PPP6C: variants seen among roughly 807,000 people sequenced by gnomAD.
PPP6C encodes protein phosphatase 6 catalytic subunit.
PPP6C carries 11 observed loss-of-function variants against 39.8 expected under a neutral mutation model. That is an observed-to-expected ratio of 0.28 (90% CI 0.17 to 0.46). PPP6C has a LOEUF of 0.46. PPP6C is among the 20% of genes least tolerant of loss of function. The pLI is 1.00. For synonymous variants in PPP6C, 129 were observed against 130.3 expected, an observed-to-expected ratio of 0.99 and a Z score of 0.07; for missense variants, 211 against 373.9, an observed-to-expected ratio of 0.56 and a Z score of 3.59.
chr9:125,151,184 T>C (rs750216250), intron 6 of PPP6C: 66 of 1,492,166 alleles, frequency 4.4e-5, no homozygotes, highest in Non-Finnish European at 5.9e-5. Context: ...GTGACCTCCA[T>C]TGCAGACAGG....
chr9:125,179,359 A>C (rs1235215684), intron 1 of PPP6C, among the ~76,000 whole-genome samples: 3 of 152,198 alleles, frequency 2.0e-5, no homozygotes, highest in Non-Finnish European at 4.4e-5. Flanking sequence ...AATTTTAATG[A>C]AGTCTGGCTT....
At chr9:125,154,118 A>C in intron 4 of PPP6C, 133 bp from the exon 5 acceptor site, 1 of 682,784 alleles carries the variant, frequency 1.5e-6, no homozygotes, top group Non-Finnish European at 2.5e-6. Context: ...ACACATATTT[A>C]GTCCTGCTAG....
At chr9:125,163,999 C>T (rs1245267493) in intron 2 of PPP6C, among the ~76,000 whole-genome samples, 10 of 150,774 alleles carry the variant, frequency 6.6e-5, no homozygotes, top group Admixed American at 5.3e-4. Context: ...ACCGCACCCC[C>T]GCTGATTTTT....
intron 1 of PPP6C, among the ~76,000 whole-genome samples, chr9:125,188,538 C>T (rs1053069753): frequency 3.3e-5 from 5 of 152,106 alleles, no homozygotes; most frequent in African/African-American, 1.2e-4. Flanking sequence ...GTAATACCAG[C>T]ACTTTGGTAG....
At chr9:125,179,653 CTCTT>C (rs1452435942) in intron 1 of PPP6C, among the ~76,000 whole-genome samples, 2 of 142,430 alleles carry the variant, frequency 1.4e-5, no homozygotes, top group Non-Finnish European at 3.1e-5. Context: ...TTTTCTCTCT[CTCTT>C]TTTTTTTTTT....
At chr9:125,170,216 C>G (rs963149367) in intron 2 of PPP6C, among the ~76,000 whole-genome samples, 1 of 151,916 alleles carries the variant, frequency 6.6e-6, no homozygotes, top group Non-Finnish European at 1.5e-5. Context: ...ATGAGGTATG[C>G]CCCTCCTGTT....
intron 6 of PPP6C, 68 bp downstream of exon 6, chr9:125,153,465 G>A: frequency 2.1e-6 from 3 of 1,440,602 alleles, no homozygotes; most frequent in Non-Finnish European, 2.9e-6. Flanking sequence ...GTTATCTAGG[G>A]CCACCATAGT....
chr9:125,154,686 T>C (rs932981021), intron 4 of PPP6C, among the ~76,000 whole-genome samples: 1 of 152,244 alleles, frequency 6.6e-6, no homozygotes, highest in African/African-American at 2.4e-5. Context: ...GAGACAATTC[T>C]AGCAGGATAA....
intron 1 of PPP6C, chr9:125,171,909 C>A (rs765903213): frequency 2.2e-6 from 1 of 465,072 alleles, no homozygotes; most frequent in South Asian, 1.5e-5. Context: ...ACACACTTAC[C>A]ATTTGACCCA....
At chr9:125,183,461 T>C (rs1203204115) in intron 1 of PPP6C, among the ~76,000 whole-genome samples, 1 of 152,208 alleles carries the variant, frequency 6.6e-6, no homozygotes, top group Non-Finnish European at 1.5e-5. Flanking sequence ...CTACTTTTAT[T>C]TTTAGTTAGC....
intron 1 of PPP6C, among the ~76,000 whole-genome samples, chr9:125,171,472 CACACACATATATATATATATATAT>C (rs1445140381): frequency 3.1e-5 from 1 of 32,408 alleles, no homozygotes; most frequent in East Asian, 7.1e-4. Context: ...CACACACACA[CACACACATATATATATATATATAT>C]ATATATATAT....
At chr9:125,177,920 T>C (rs923620876) in intron 1 of PPP6C, among the ~76,000 whole-genome samples, 1 of 152,190 alleles carries the variant, frequency 6.6e-6, no homozygotes, top group Non-Finnish European at 1.5e-5. Flanking sequence ...CTTTTCAGGT[T>C]GGTTTCTTTC....
chr9:125,185,675 C>T (rs2131345688), intron 1 of PPP6C, among the ~76,000 whole-genome samples: 1 of 150,026 alleles, frequency 6.7e-6, no homozygotes. Context: ...GCCTGGGCAA[C>T]AGAGCAAGAC....
At chr9:125,173,301 G>A (rs1435459948) in intron 1 of PPP6C, among the ~76,000 whole-genome samples, 2 of 150,810 alleles carry the variant, frequency 1.3e-5, no homozygotes, top group South Asian at 2.1e-4. Flanking sequence ...ATCCTCAGCT[G>A]AGGCTGAGGC....
At position 125,167,829 on chromosome 9, in the gene PPP6C, TGGGGGGGG is replaced by T. The variant is rs60500461; in HGVS notation, c.171+3248_171+3255del. On this transcript the variant is annotated intron_variant, in intron 2 of 6. Transcript: ENST00000373547. ...ATCACCTGAGGTCAGGAGTTTGAGATGGGGGGGGGGGGGGGGGGTATCATTTGGTTGCC... is the reference window on the plus strand; with the variant it reads ...ATCACCTGAGGTCAGGAGTTTGAGATGGGGGGGGGGTATCATTTGGTTGCC... Among the ~76,000 whole-genome samples, 280 of 53,258 alleles carry T rather than the reference TGGGGGGGG, an allele frequency of 5.3e-3. 11 individuals are homozygous for T. Among genetic ancestry groups the T allele is most frequent in the African/African-American group, 0.021 (248 of 11,644 alleles). The allele number at this position is 53,258 out of a possible 152,430, so 34.9% of individuals were successfully genotyped here.
chr9:125,188,951 A>G, intron 1 of PPP6C: 1 of 1,547,892 alleles, frequency 6.5e-7, no homozygotes, highest in Non-Finnish European at 8.7e-7. Flanking sequence ...TGAAATACTG[A>G]GTTAAGAAGG....
intron 3 of PPP6C, among the ~76,000 whole-genome samples, chr9:125,159,399 G>GTC (rs1197896408): frequency 6.8e-6 from 1 of 148,072 alleles, no homozygotes; most frequent in African/African-American, 2.5e-5. Flanking sequence ...TAGAGATGGG[G>GTC]TCTCACTATG....
rs752202597 is a variant in PPP6C at position 125,189,750 on chromosome 9, GGCGGCGGCTGTAGCA to G, written c.-47_-33del. 1.9e-6 allele frequency: 3 copies of G among 1,560,034 alleles called. No homozygotes were observed. Among genetic ancestry groups the G allele is most frequent in the Admixed American group, 2.0e-5 (1 of 49,988 alleles). The stretch of plus-strand genomic sequence containing the variant: ...AATAACAAGCCGCGGCAACAGCGGC[GGCGGCGGCTGTAGCA>G]GCGGCGGCGGCAGCGGCGGAGGCCG... On this transcript the variant is annotated 5_prime_UTR_variant, in exon 1 of 7. Coordinates refer to ENST00000373547, the MANE Select transcript of PPP6C (RefSeq NM_002721.5).
intron 4 of PPP6C, 43 bp from the exon 5 acceptor site, chr9:125,154,028 TA>T (rs765910402): frequency 9.9e-6 from 14 of 1,416,066 alleles, no homozygotes; most frequent in Non-Finnish European, 1.4e-5. Context: ...AATCTGCTAA[TA>T]AAAATAAACA....
Sources: gnomAD v4.1 joint callset for allele counts (sites outside exome capture counted in the v4.1 genomes callset) on GRCh38, gnomAD v4.1.1 for gene constraint, MANE v1.5 for transcripts, NCBI Gene and HGNC (gene_info 2026-07-23, HGNC 2026-07-21) for gene names.